The following RAI14 variants were observed in gnomAD, a reference collection of about 807,000 sequenced individuals.
The protein encoded by RAI14 is ankycorbin.
Under a neutral mutation model 115.4 loss-of-function variants are expected in RAI14, and 45 were observed. That is an observed-to-expected ratio of 0.39 (90% confidence interval 0.31 to 0.50). The LOEUF is 0.50. Among genes scored for constraint, RAI14 ranks in the 20% least tolerant of loss-of-function variants. RAI14 has a pLI of 0.85. For missense variants in RAI14, 939 were observed against 1,131.2 expected, an observed-to-expected ratio of 0.83 and a Z score of 2.44; for synonymous variants, 371 against 415.4, an observed-to-expected ratio of 0.89 and a Z score of 1.30.
At chr5:34,717,063 C>T (rs1742088210) in intron 2 of RAI14, among the ~76,000 whole-genome samples, 1 of 152,052 alleles carries the variant, frequency 6.6e-6, no homozygotes, top group South Asian at 2.1e-4. Context: ...ATATATTCAG[C>T]ATTATGTATG....
At position 34,831,486 on chromosome 5, in the gene RAI14, T is replaced by A. The variant is rs1379717787; in HGVS notation, c.*721T>A. On this transcript the variant is annotated 3_prime_UTR_variant, in exon 18 of 18. Coordinates refer to ENST00000265109, the MANE Select transcript of RAI14 (RefSeq NM_015577.3). ...TATGCAAACTTGCCTCCTGCTGTTA[T>A]CTGTGAAGCTCAGGAAATCCAAACA... The A allele has an allele frequency of 6.5e-6, 1 of 152,676 alleles. No individual in the cohort carries two copies. Among genetic ancestry groups the A allele is most frequent in the Non-Finnish European group, 1.5e-5 (1 of 68,038 alleles). 9.5% of individuals were successfully genotyped at this position (152,676 alleles called of 1,614,324 possible).
intron 2 of RAI14, among the ~76,000 whole-genome samples, chr5:34,744,907 G>A (rs67587177): frequency 0.13 from 20,119 of 152,194 alleles, 1,402 homozygotes; most frequent in South Asian, 0.2. Flanking sequence ...AGCTCCTGGT[G>A]GTTGCTGGCA....
chr5:34,729,740 G>A (rs1369493629), intron 2 of RAI14, among the ~76,000 whole-genome samples: 7 of 152,156 alleles, frequency 4.6e-5, no homozygotes, highest in African/African-American at 1.7e-4. Flanking sequence ...TAAAAGAAAA[G>A]GGGGTTGGGG....
At chr5:34,767,100 G>A (rs968853956) in intron 3 of RAI14, among the ~76,000 whole-genome samples, 9 of 152,160 alleles carry the variant, frequency 5.9e-5, no homozygotes, top group African/African-American at 2.2e-4. Flanking sequence ...TCCCAGTTTT[G>A]GGTATGTCTT....
At chr5:34,757,292 C>T (rs750082199) in intron 2 of RAI14, 176 bp from the exon 3 acceptor site, 19 of 709,238 alleles carry the variant, frequency 2.7e-5, no homozygotes, top group Non-Finnish European at 4.0e-5. Context: ...TTTGGGAAAG[C>T]GGCCTTCTTG....
intron 1 of RAI14, chr5:34,684,603 C>T (rs1347806315): frequency 6.6e-6 from 1 of 152,182 alleles, no homozygotes; most frequent in African/African-American, 2.4e-5. Flanking sequence ...CATCAAAGTG[C>T]TTCATGATGA....
At chr5:34,673,621 G>A (rs1350025783) in intron 1 of RAI14, among the ~76,000 whole-genome samples, 1 of 152,206 alleles carries the variant, frequency 6.6e-6, no homozygotes, top group Non-Finnish European at 1.5e-5. Context: ...GCAAGTGTCA[G>A]AGACCCAACT....
At position 34,823,212 on chromosome 5, in the gene RAI14, T is replaced by C. The variant is rs1235901987; in HGVS notation, c.1370T>C (p.Val457Ala). 1 of 1,613,934 alleles carries C rather than the reference T, an allele frequency of 6.2e-7. No individual in the cohort carries two copies. The highest frequency in any genetic ancestry group is 1.3e-5 in the African/African-American group (1 of 74,918). The part of the protein sequence containing the change: ...SSEAERKQLQ[V>A]ELQSRRAELV... ...GAAGCAGAGAGAAAACAGCTACAGG[T>C]CGAACTCCAATCCCGAAGGGCAGAA... Residue 457 changes from valine to alanine, a missense_variant, in exon 15 of 18, where the codon GTC becomes GCC. By Grantham distance (64) the Val-to-Ala change is moderately conservative. Transcript: ENST00000265109. This position sits in a 1 kb window ranked among gnomAD's most constrained non-coding sequence, Gnocchi z 4.5.
At chr5:34,820,504 T>A (rs917924173) in intron 13 of RAI14, among the ~76,000 whole-genome samples, 2 of 152,162 alleles carry the variant, frequency 1.3e-5, no homozygotes, top group East Asian at 1.9e-4. Context: ...CCCAGCTACT[T>A]GGGAAGCTGA....
chr5:34,703,451 T>C (rs558813779), intron 2 of RAI14, among the ~76,000 whole-genome samples: 121 of 152,330 alleles, frequency 7.9e-4, no homozygotes, highest in African/African-American at 2.9e-3. Flanking sequence ...CTGTTTTATG[T>C]ATTATTACTA....
intron 2 of RAI14, among the ~76,000 whole-genome samples, chr5:34,735,198 A>G (rs1286202065): frequency 1.3e-5 from 2 of 152,234 alleles, no homozygotes. Flanking sequence ...ATATGGACTG[A>G]TAGAAAAAAT....
intron 2 of RAI14, among the ~76,000 whole-genome samples, chr5:34,721,733 T>A (rs577775106): frequency 1.3e-5 from 2 of 152,124 alleles, no homozygotes; most frequent in East Asian, 3.9e-4. Flanking sequence ...TTTTTTGAGG[T>A]GGAGCCTTGC....
chr5:34,670,637 C>A (rs1002820680), intron 1 of RAI14, among the ~76,000 whole-genome samples: 4 of 152,120 alleles, frequency 2.6e-5, no homozygotes, highest in Non-Finnish European at 4.4e-5. Context: ...AGAGAGGTTG[C>A]CCCATATGTT....
At chr5:34,782,276 CTTTT>C (rs1166043322) in intron 3 of RAI14, among the ~76,000 whole-genome samples, 1 of 151,970 alleles carries the variant, frequency 6.6e-6, no homozygotes, top group Non-Finnish European at 1.5e-5. Flanking sequence ...TCCCCCTTGT[CTTTT>C]TTTCTTTTTT....
intron 1 of RAI14, among the ~76,000 whole-genome samples, chr5:34,673,306 C>T (rs899336490): frequency 6.6e-6 from 1 of 152,236 alleles, no homozygotes; most frequent in Non-Finnish European, 1.5e-5. Context: ...TGAGGTGAGG[C>T]TGTGTGAGGG....
chr5:34,728,813 A>G (rs73072596), intron 2 of RAI14, among the ~76,000 whole-genome samples: 2,731 of 151,764 alleles, frequency 0.018, 77 homozygotes, highest in African/African-American at 0.06. Flanking sequence ...ACTCCCAGCT[A>G]CAAGGCTGAG....
In RAI14 at chr5:34,831,071, T is replaced by G. The variant is rs1392012582; in HGVS notation, c.*306T>G. ...GGGGGCCCCCTCCTCCATCCCTGAC[T>G]GGCTGAGTGGCTTTATCACCACCGA... On this transcript the variant is annotated 3_prime_UTR_variant, in exon 18 of 18. Transcript: ENST00000265109. The G allele has an allele frequency of 1.6e-5, 5 of 305,910 alleles. No homozygotes were observed. The highest frequency in any genetic ancestry group is 3.1e-5 in the Non-Finnish European group (5 of 162,994). 18.9% of individuals were successfully genotyped at this position (305,910 alleles called of 1,614,324 possible).
At chr5:34,767,600 A>ACCCCCACCC (rs1749578139) in intron 3 of RAI14, among the ~76,000 whole-genome samples, 3 of 60,110 alleles carry the variant, frequency 5.0e-5, no homozygotes, top group African/African-American at 1.3e-4. Flanking sequence ...CGCCCCCACC[A>ACCCCCACCC]CCCCCACCAC....
intron 2 of RAI14, among the ~76,000 whole-genome samples, chr5:34,697,134 A>T (rs142388655): frequency 9.5e-5 from 14 of 147,356 alleles, no homozygotes; most frequent in Non-Finnish European, 1.0e-4. Flanking sequence ...CCATCTCAAA[A>T]AATAATAATA....
Sources: gnomAD v4.1 joint callset for allele counts (sites outside exome capture counted in the v4.1 genomes callset) on GRCh38, gnomAD v4.1.1 for gene constraint, Gnocchi (gnomAD v3.1) non-coding constraint, MANE v1.5 for transcripts, NCBI Gene and HGNC (gene_info 2026-07-23, HGNC 2026-07-21) for gene names.